KSR1: variants seen among roughly 807,000 people sequenced by gnomAD.
The protein encoded by KSR1 is kinase suppressor of ras 1, also known as kinase suppressor of ras.
In KSR1, 35 loss-of-function variants were observed where a neutral mutation model predicts 92.9. That is an observed-to-expected ratio of 0.38 (90% CI 0.29 to 0.50). The LOEUF is 0.50. KSR1 is among the 20% of genes least tolerant of loss of function. The pLI, the probability that KSR1 is intolerant of heterozygous loss-of-function variation, is 0.94. For missense variants in KSR1, 972 were observed against 1,158.5 expected (o/e 0.84, Z 2.34); for synonymous variants, 467 against 472.6 (o/e 0.99, Z 0.15).
intron 17 of KSR1, among the ~76,000 whole-genome samples, chr17:27,611,115 G>GT (rs1348776179): frequency 2.6e-5 from 4 of 152,200 alleles, no homozygotes; most frequent in Non-Finnish European, 4.4e-5. Context: ...TGTGTGCCAG[G>GT]TGCTGGGCTT....
chr17:27,615,991 T>C (rs2074043367), intron 18 of KSR1, among the ~76,000 whole-genome samples: 1 of 152,246 alleles, frequency 6.6e-6, no homozygotes, highest in African/African-American at 2.4e-5. Context: ...CTCAACCATT[T>C]GTGGATGCCT....
In KSR1 at chr17:27,590,895, G is replaced by A; in HGVS notation, c.1130+1G>A. On this transcript the variant is annotated splice_donor_variant, in intron 7 of 20. Transcript: ENST00000644974. LOFTEE classifies it high-confidence loss of function. Reference sequence around the variant, plus strand: ...TTGGAGTGAAGTGCAAGCATTGCAGGTGATGGGAAGAGGAGTGGGGGTGGG... The same window carrying A: ...TTGGAGTGAAGTGCAAGCATTGCAGATGATGGGAAGAGGAGTGGGGGTGGG... 1 of 1,609,594 alleles carries A rather than the reference G, an allele frequency of 6.2e-7. No individual in the cohort carries two copies. The highest frequency in any genetic ancestry group is 8.5e-7 in the Non-Finnish European group (1 of 1,177,956).
intron 1 of KSR1, among the ~76,000 whole-genome samples, chr17:27,480,551 C>T (rs1159925992): frequency 6.6e-6 from 1 of 152,168 alleles, no homozygotes; most frequent in African/African-American, 2.4e-5. Context: ...GCATGCTCCA[C>T]CATGCCCATC....
At chr17:27,609,136 G>A (rs2073846204) in intron 15 of KSR1, 60 bp from the exon 16 acceptor site, 2 of 1,560,266 alleles carry the variant, frequency 1.3e-6, no homozygotes, top group East Asian at 4.6e-5. Context: ...AAATCATCCA[G>A]CCCAGGGTGG....
intron 11 of KSR1, among the ~76,000 whole-genome samples, chr17:27,602,656 G>A (rs1598125955): frequency 6.6e-6 from 1 of 152,336 alleles, no homozygotes; most frequent in East Asian, 1.9e-4. Flanking sequence ...CTTTAGGTGT[G>A]TGTTTGCCTC....
At position 27,559,298 on chromosome 17, in the gene KSR1, C is replaced by T. The variant is rs1041198413; in HGVS notation, c.372+8590C>T. Reference sequence around the variant, plus strand: ...CCGAGCCTGCTGCGGCGCTGCATGCCTGACCTTTGGTTCCTCGTCCCTTCC... The same window carrying T: ...CCGAGCCTGCTGCGGCGCTGCATGCTTGACCTTTGGTTCCTCGTCCCTTCC... On this transcript the variant is annotated intron_variant, in intron 2 of 20. Transcript: ENST00000644974. This position sits in a 1 kb window ranked among gnomAD's most constrained non-coding sequence, Gnocchi z 4.2. Among the ~76,000 whole-genome samples the T allele has an allele frequency of 6.6e-6, 1 of 152,226 alleles. No homozygotes were observed. Among genetic ancestry groups the T allele is most frequent in the Non-Finnish European group, 1.5e-5 (1 of 68,042 alleles).
At chr17:27,470,738 C>T (rs1389086912) in intron 1 of KSR1, among the ~76,000 whole-genome samples, 1 of 152,120 alleles carries the variant, frequency 6.6e-6, no homozygotes, top group Non-Finnish European at 1.5e-5. Flanking sequence ...GTAAGTATCT[C>T]ATATTTTTTA....
intron 3 of KSR1, among the ~76,000 whole-genome samples, chr17:27,581,184 G>A (rs754579495): frequency 5.9e-5 from 9 of 152,186 alleles, no homozygotes; most frequent in African/African-American, 2.2e-4. Flanking sequence ...AAGCAAGAGC[G>A]AGAGGGGGCA....
intron 7 of KSR1, among the ~76,000 whole-genome samples, chr17:27,591,369 G>A (rs933877556): frequency 3.3e-5 from 5 of 152,246 alleles, no homozygotes; most frequent in African/African-American, 1.2e-4. Context: ...ATAGGGAACA[G>A]TGTGGGCTAG....
intron 1 of KSR1, among the ~76,000 whole-genome samples, chr17:27,458,563 G>A (rs1013917330): frequency 1.3e-4 from 20 of 152,260 alleles, no homozygotes; most frequent in African/African-American, 4.6e-4. Flanking sequence ...GCAGTGTGGC[G>A]TTCATGACAC....
At chr17:27,516,781 A>G (rs1282640527) in intron 1 of KSR1, among the ~76,000 whole-genome samples, 1 of 152,164 alleles carries the variant, frequency 6.6e-6, no homozygotes, top group African/African-American at 2.4e-5. Flanking sequence ...ACCATGACCC[A>G]TGACAGCTTC....
Position 27,625,565 on chromosome 17 carries a change from AGCCTGCCACCTCTGCACTGCCT to A in KSR1, c.*2178_*2199del, listed in dbSNP as rs909681684. ...GAAGGACTGGGGGCAGCTGGCTCTC[AGCCTGCCACCTCTGCACTGCCT>A]GCCTTTAAAGAACCCCACCCCACCC... On this transcript the variant is annotated 3_prime_UTR_variant, in exon 21 of 21. Coordinates refer to ENST00000644974, the MANE Select transcript of KSR1 (RefSeq NM_001394583.1). 15 of 152,246 alleles carry A rather than the reference AGCCTGCCACCTCTGCACTGCCT, an allele frequency of 9.9e-5. No homozygotes were observed. The highest frequency in any genetic ancestry group is 3.6e-4 in the African/African-American group (15 of 41,468). 9.4% of individuals were successfully genotyped at this position (152,246 alleles called of 1,614,324 possible). A position where few individuals can be genotyped will look rare whatever the true frequency, so the allele number is the denominator to read the frequency against.
At position 27,496,450 on chromosome 17, in the gene KSR1, G is replaced by A. The variant is rs531208055; in HGVS notation, c.231+39576G>A. Among the ~76,000 whole-genome samples the A allele has an allele frequency of 5.9e-5, 9 of 152,246 alleles. No individual in the cohort carries two copies. In the South Asian group the frequency reaches 1.7e-3, roughly 28 times the overall value. On this transcript the variant is annotated intron_variant, in intron 1 of 20. Transcript: ENST00000644974. ...TTTCTCTATTTTGTTCACCTTGCTG[G>A]CTGATTCTGCCTGATTTTAAGTATT...
chr17:27,584,191 C>T (rs2072883399), intron 4 of KSR1, among the ~76,000 whole-genome samples: 1 of 152,150 alleles, frequency 6.6e-6, no homozygotes, highest in Non-Finnish European at 1.5e-5. Context: ...GCATGGGCAC[C>T]CCTTTCCTAC....
intron 15 of KSR1, 113 bp downstream of exon 15, chr17:27,608,123 C>T: frequency 5.7e-6 from 4 of 707,812 alleles, no homozygotes; most frequent in Non-Finnish European, 5.0e-6. Flanking sequence ...TTTGCCTCTC[C>T]TTCTAGCTCA....
Position 27,605,703 on chromosome 17 carries a change from C to T in KSR1, c.1884C>T (p.His628=). 6.2e-7 allele frequency: 1 copy of T among 1,612,952 alleles called. No homozygotes were observed. The highest frequency in any genetic ancestry group is 1.1e-5 in the South Asian group (1 of 91,060). ...LLEMDGHNQD[H]LKLFKKEVMN... is the part of the protein sequence containing the mutation. ...AGATGGACGGCCACAACCAGGACCA[C>T]CTGAAGCTCTTCAAGAAAGAGGTGA... The change falls in exon 14 of 21, where the codon CAC becomes CAT. Residue 628 remains histidine, a synonymous_variant. Transcript: ENST00000644974.
intron 1 of KSR1, among the ~76,000 whole-genome samples, chr17:27,540,258 A>ACTCTTAGACAAGTGAGCTCGTTTTGT (rs2070907326): frequency 6.6e-6 from 1 of 152,074 alleles, no homozygotes; most frequent in African/African-American, 2.4e-5. Flanking sequence ...AGTCAGTCAT[A>ACTCTTAGACAAGTGAGCTCGTTTTGT]CTCTTAGACA....
At chr17:27,463,495 A>G (rs1350527079) in intron 1 of KSR1, among the ~76,000 whole-genome samples, 3 of 151,222 alleles carry the variant, frequency 2.0e-5, no homozygotes, top group Non-Finnish European at 2.9e-5. Flanking sequence ...GAGGCTGGAC[A>G]TGGTCCTCTG....
intron 11 of KSR1, among the ~76,000 whole-genome samples, chr17:27,602,883 G>T (rs1457825209): frequency 2.6e-5 from 4 of 152,280 alleles, no homozygotes; most frequent in Non-Finnish European, 4.4e-5. Context: ...AGGTCCCAGA[G>T]ATGTTGACAG....
Sources: gnomAD v4.1 joint callset for allele counts (sites outside exome capture counted in the v4.1 genomes callset) on GRCh38, gnomAD v4.1.1 for gene constraint, Gnocchi (gnomAD v3.1) non-coding constraint, MANE v1.5 for transcripts, NCBI Gene and HGNC (gene_info 2026-07-23, HGNC 2026-07-21) for gene names.